MAP2K5: variants seen among roughly 807,000 people sequenced by gnomAD.
MAP2K5 encodes dual specificity mitogen-activated protein kinase kinase 5.
Under a neutral mutation model 83.1 loss-of-function variants are expected in MAP2K5, and 49 were observed. The ratio of observed to expected loss-of-function variants is 0.59; its 90% CI spans 0.47 to 0.75. MAP2K5 has a LOEUF of 0.75. Among genes scored for constraint, MAP2K5 ranks in the 30% least tolerant of loss-of-function variants. The pLI is 0.00. For missense variants in MAP2K5, 457 were observed against 557.5 expected (o/e 0.82, Z 1.82); for synonymous variants, 202 against 191.8 (o/e 1.05, Z -0.44).
Position 67,733,807 on chromosome 15 carries a change from A to C in MAP2K5, c.1074+5862A>C, listed in dbSNP as rs1210772837. Among the ~76,000 whole-genome samples, 3 of 152,348 alleles carry C rather than the reference A, an allele frequency of 2.0e-5. 1 individual carries two copies. In the South Asian group the frequency reaches 6.2e-4, roughly 32 times the overall value. Reference sequence around the variant, plus strand: ...AAGTGAAAAATATGCATTCTTAATGATATAACGACTGGCACCTTCCATAGA... The same window carrying C: ...AAGTGAAAAATATGCATTCTTAATGCTATAACGACTGGCACCTTCCATAGA... On this transcript the variant is annotated intron_variant, in intron 17 of 21. Transcript: ENST00000178640.
rs149816941 is a variant in MAP2K5 at position 67,623,328 on chromosome 15, A to G, written c.546-7560A>G. On this transcript the variant is annotated intron_variant, in intron 8 of 21. Transcript: ENST00000178640. ...AGATAAACATGGTAAGAAATCTAGAAGTTGGAACATGGTATATCCATACCA... is the reference window on the plus strand; with the variant it reads ...AGATAAACATGGTAAGAAATCTAGAGGTTGGAACATGGTATATCCATACCA... Among the ~76,000 whole-genome samples the G allele has an allele frequency of 3.2e-4, 48 of 152,350 alleles. 1 individual carries two copies. In the East Asian group the frequency reaches 8.9e-3, roughly 28 times the overall value.
chr15:67,571,346 G>C (rs2084943499), intron 3 of MAP2K5, among the ~76,000 whole-genome samples: 1 of 152,128 alleles, frequency 6.6e-6, no homozygotes, highest in Non-Finnish European at 1.5e-5. Flanking sequence ...CCCTTGTTGA[G>C]CTTCCAAAAG....
At position 67,777,201 on chromosome 15, in the gene MAP2K5, G is replaced by C. The variant is rs1296989620; in HGVS notation, c.1242+4449G>C. Among the ~76,000 whole-genome samples the C allele has an allele frequency of 4.6e-5, 7 of 152,174 alleles. No individual in the cohort carries two copies. Among genetic ancestry groups the C allele is most frequent in the African/African-American group, 1.7e-4 (7 of 41,420 alleles). On this transcript the variant is annotated intron_variant, in intron 21 of 21. Transcript: ENST00000178640. The surrounding 1 kb of genome is among the most constrained non-coding windows in gnomAD (Gnocchi z 6.0). ...TTTCTATGGGGTTCAGCAGGGCTTT[G>C]CACCAGCTGTCAGGCAGCCCTTTAA...
chr15:67,711,118 A>G (rs1312198396), intron 16 of MAP2K5, among the ~76,000 whole-genome samples: 1 of 152,246 alleles, frequency 6.6e-6, no homozygotes, highest in Non-Finnish European at 1.5e-5. Flanking sequence ...GACAGGATTC[A>G]AATATGATTC....
rs537477426 is a variant in MAP2K5, at chr15:67,685,220, A to G, written c.848-7259A>G. 1.3e-4 allele frequency among the ~76,000 whole-genome samples: 20 copies of G among 152,346 alleles called. No homozygotes were observed. The South Asian group carries it at 3.9e-3, about 30-fold the overall frequency. On this transcript the variant is annotated intron_variant, in intron 13 of 21. Coordinates refer to ENST00000178640, the MANE Select transcript of MAP2K5 (RefSeq NM_145160.3). Reference sequence around the variant, plus strand: ...AAAATATTCACAGAAAACAGAGCACATTAAGTAGAGAAACAAAGATAAGAT... The same window carrying G: ...AAAATATTCACAGAAAACAGAGCACGTTAAGTAGAGAAACAAAGATAAGAT...
At chr15:67,714,434 A>C (rs1356511837) in intron 16 of MAP2K5, among the ~76,000 whole-genome samples, 2 of 142,262 alleles carry the variant, frequency 1.4e-5, no homozygotes, top group Non-Finnish European at 3.0e-5. Flanking sequence ...AAAAAAAAAA[A>C]AAAAAAAAAA....
rs368177779 is a variant in MAP2K5 at position 67,719,786 on chromosome 15, T to G, written c.1045-8130T>G. Among the ~76,000 whole-genome samples, 102 of 152,366 alleles carry G rather than the reference T, an allele frequency of 6.7e-4. No individual in the cohort carries two copies. The highest frequency in any genetic ancestry group is 2.4e-3 in the African/African-American group (101 of 41,590). Reference sequence around the variant, plus strand: ...CTGCCCTCAGTGTTGCATTTTGAGCTATGCAAACATTTGAAGAACATTCAT... The same window carrying G: ...CTGCCCTCAGTGTTGCATTTTGAGCGATGCAAACATTTGAAGAACATTCAT... On this transcript the variant is annotated intron_variant, in intron 16 of 21. Coordinates refer to ENST00000178640, the MANE Select transcript of MAP2K5 (RefSeq NM_145160.3). This position sits in a 1 kb window ranked among gnomAD's most constrained non-coding sequence, Gnocchi z 4.6.
intron 13 of MAP2K5, among the ~76,000 whole-genome samples, chr15:67,675,727 T>C (rs2087663310): frequency 6.6e-6 from 1 of 152,218 alleles, no homozygotes; most frequent in Non-Finnish European, 1.5e-5. Flanking sequence ...ATCATCTTTC[T>C]GTAGTTACCT....
chr15:67,669,013 A>G (rs2087457776), intron 13 of MAP2K5, among the ~76,000 whole-genome samples: 1 of 152,104 alleles, frequency 6.6e-6, no homozygotes, highest in African/African-American at 2.4e-5. Flanking sequence ...ACATGTTACA[A>G]ATTTTATTTT....
rs536704999 is a variant in MAP2K5, at chr15:67,719,317, G to C, written c.1045-8599G>C. Among the ~76,000 whole-genome samples, 1 of 152,266 alleles carries C rather than the reference G, an allele frequency of 6.6e-6. No individual in the cohort carries two copies. The highest frequency in any genetic ancestry group is 1.9e-4 in the East Asian group (1 of 5,186). ...TGTGTACCATGTTCATTAAGGTACT[G>C]TGGCATAGAAACAAGCAAACCAGGC... On this transcript the variant is annotated intron_variant, in intron 16 of 21. Transcript: ENST00000178640. The surrounding 1 kb of genome is among the most constrained non-coding windows in gnomAD (Gnocchi z 4.6).
At chr15:67,705,335 T>C (rs988318306) in intron 16 of MAP2K5, among the ~76,000 whole-genome samples, 1 of 152,144 alleles carries the variant, frequency 6.6e-6, no homozygotes, top group Non-Finnish European at 1.5e-5. Flanking sequence ...TTGGCTGTCA[T>C]GGAGTTCCAT....
rs2089811830 is a variant in MAP2K5 at position 67,755,286 on chromosome 15, C to G, written c.1134+6685C>G. Among the ~76,000 whole-genome samples the G allele has an allele frequency of 6.6e-6, 1 of 152,056 alleles. No homozygotes were observed. Among genetic ancestry groups the G allele is most frequent in the South Asian group, 2.1e-4 (1 of 4,824 alleles). ...AGCCACCACTCCTGGCTTTTAGAAGCTTTTTAGTAACATTGTTATAAAGTA... is the reference window on the plus strand; with the variant it reads ...AGCCACCACTCCTGGCTTTTAGAAGGTTTTTAGTAACATTGTTATAAAGTA... On this transcript the variant is annotated intron_variant, in intron 19 of 21. Coordinates refer to ENST00000178640, the MANE Select transcript of MAP2K5 (RefSeq NM_145160.3). The surrounding 1 kb of genome is among the most constrained non-coding windows in gnomAD (Gnocchi z 4.7).
At chr15:67,544,341 A>G (rs1278951491) in intron 1 of MAP2K5, among the ~76,000 whole-genome samples, 3 of 152,242 alleles carry the variant, frequency 2.0e-5, no homozygotes, top group Non-Finnish European at 4.4e-5. Flanking sequence ...AGAATTGGTG[A>G]TATTTTACAT....
Position 67,550,028 on chromosome 15 carries a change from G to A in MAP2K5, c.136-6G>A, listed in dbSNP as rs1039280397. ...AATTGTGTTTCTTTATTCTTTCTTTGTTTAGGATGTGATAGGCCAGGTTCT... is the reference window on the plus strand; with the variant it reads ...AATTGTGTTTCTTTATTCTTTCTTTATTTAGGATGTGATAGGCCAGGTTCT... On this transcript the variant is annotated splice_region_variant and splice_polypyrimidine_tract_variant and intron_variant, in intron 1 of 21. Transcript: ENST00000178640. The A allele has an allele frequency of 1.9e-5, 31 of 1,611,096 alleles. No individual in the cohort carries two copies. Among genetic ancestry groups the A allele is most frequent in the Non-Finnish European group, 2.5e-5 (30 of 1,177,564 alleles).
In MAP2K5 at chr15:67,573,875, C is replaced by T. The variant is rs2084998368; in HGVS notation, c.253-6879C>T. Among the ~76,000 whole-genome samples the T allele has an allele frequency of 6.6e-6, 1 of 152,188 alleles. No homozygotes were observed. Among genetic ancestry groups the T allele is most frequent in the Non-Finnish European group, 1.5e-5 (1 of 68,046 alleles). Reference sequence around the variant, plus strand: ...ATCCTGTGTCACCAGCCTTGTAGTGCAGCGCATCTCCTCCATATGGTTTTT... The same window carrying T: ...ATCCTGTGTCACCAGCCTTGTAGTGTAGCGCATCTCCTCCATATGGTTTTT... On this transcript the variant is annotated intron_variant, in intron 3 of 21. Transcript: ENST00000178640. This position sits in a 1 kb window ranked among gnomAD's most constrained non-coding sequence, Gnocchi z 4.2.
rs534392059 is a variant in MAP2K5, at chr15:67,644,326, G to A, written c.586-1905G>A. ...GGAGAATGGCTTGAACCCGGGAGGC[G>A]GAGGTTGCAGTGAGCCAAGATCGCG... On this transcript the variant is annotated intron_variant, in intron 9 of 21. Transcript: ENST00000178640. This position sits in a 1 kb window ranked among gnomAD's most constrained non-coding sequence, Gnocchi z 4.6. 2.6e-5 allele frequency among the ~76,000 whole-genome samples: 4 copies of A among 152,132 alleles called. No individual in the cohort carries two copies. Among genetic ancestry groups the A allele is most frequent in the East Asian group, 3.9e-4 (2 of 5,166 alleles).
chr15:67,591,882 C>T (rs537412959), intron 6 of MAP2K5, among the ~76,000 whole-genome samples: 20 of 151,930 alleles, frequency 1.3e-4, no homozygotes, highest in East Asian at 5.9e-4. Context: ...GAGGCCGAGG[C>T]GGGCAGATCA....
chr15:67,543,230 C>T lies in MAP2K5; in HGVS notation c.-106C>T, dbSNP rs562928723. 6.8e-6 allele frequency: 8 copies of T among 1,175,114 alleles called. No individual in the cohort carries two copies. The African/African-American group carries it at 7.5e-5, about 11-fold the overall frequency. 72.8% of individuals were successfully genotyped at this position (1,175,114 alleles called of 1,614,324 possible). A position where few individuals can be genotyped will look rare whatever the true frequency, so the allele number is the denominator to read the frequency against. On this transcript the variant is annotated 5_prime_UTR_variant, in exon 1 of 22. Coordinates refer to ENST00000178640, the MANE Select transcript of MAP2K5 (RefSeq NM_145160.3). The surrounding 1 kb of genome is among the most constrained non-coding windows in gnomAD (Gnocchi z 4.3). ...TCATCCTCCATTCCCTTGTTTTCACCCTCTGTCCTCTGCCCGTCACTCCCC... is the reference window on the plus strand; with the variant it reads ...TCATCCTCCATTCCCTTGTTTTCACTCTCTGTCCTCTGCCCGTCACTCCCC...
At position 67,805,194 on chromosome 15, in the gene MAP2K5, GCT is replaced by G. The variant is rs10543669; in HGVS notation, c.1243-1449_1243-1448del. 2.8e-3 allele frequency among the ~76,000 whole-genome samples: 424 copies of G among 152,350 alleles called. 4 individuals carry two copies. Among genetic ancestry groups the G allele is most frequent in the African/African-American group, 9.6e-3 (398 of 41,588 alleles). On this transcript the variant is annotated intron_variant, in intron 21 of 21. Transcript: ENST00000178640. ...TCCTCCTCCTCGCAGCTCTGACAGTGCTCTGTGTGCCTCTGAGATAGACCCAC... is the reference window on the plus strand; with the variant it reads ...TCCTCCTCCTCGCAGCTCTGACAGTGCTGTGTGCCTCTGAGATAGACCCAC...
Sources: allele counts gnomAD v4.1 joint callset (sites outside exome capture counted in the v4.1 genomes callset), GRCh38; gene constraint gnomAD v4.1.1; non-coding constraint Gnocchi (gnomAD v3.1); transcripts MANE v1.5; gene names NCBI Gene and HGNC (gene_info 2026-07-23, HGNC 2026-07-21).